The following HTT-AS variants were observed in gnomAD, a reference collection of about 807,000 sequenced individuals.
HTT-AS encodes HTT antisense RNA (head to head).
rs57430954 is a variant in HTT-AS at position 3,049,906 on chromosome 4, TCACACACA to T, written n.1381-216_1381-209del. Among the ~76,000 whole-genome samples the T allele has an allele frequency of 8.1e-3, 1,093 of 134,704 alleles. 9 individuals are homozygous for T. The highest frequency in any genetic ancestry group is 0.023 in the African/African-American group (841 of 36,120). 88.4% of individuals were successfully genotyped at this position (134,704 alleles called of 152,430 possible). A position where few individuals can be genotyped will look rare whatever the true frequency, so the allele number is the denominator to read the frequency against. ...AACTATTTTAGCAATTTGTAAGTTA[TCACACACA>T]CACACACACACACACACACACACAC... On this transcript the variant is annotated intron_variant and non_coding_transcript_variant, in intron 2 of 2. Transcript: ENST00000664062.
At chr4:3,063,033 T>C (rs1418896163) in exon 2 of HTT-AS, among the ~76,000 whole-genome samples, 1 of 151,968 alleles carries the variant, frequency 6.6e-6, no homozygotes, top group Non-Finnish European at 1.5e-5. Flanking sequence ...CTCCCTGGGG[T>C]TGGAGCCTTT....
chr4:3,054,948 C>T (rs531712914), intron 2 of HTT-AS, among the ~76,000 whole-genome samples: 56 of 151,936 alleles, frequency 3.7e-4, no homozygotes, highest in South Asian at 2.1e-3. Flanking sequence ...CTCCTGACCT[C>T]GTGATCTGCC....
chr4:3,066,370 A>G (rs1241132689), intron 1 of HTT-AS, among the ~76,000 whole-genome samples: 1 of 152,130 alleles, frequency 6.6e-6, no homozygotes, highest in Non-Finnish European at 1.5e-5. Flanking sequence ...GGGTTTCACC[A>G]TGTTGGCCAG....
At chr4:3,059,085 C>T (rs765275780) in intron 2 of HTT-AS, among the ~76,000 whole-genome samples, 6 of 152,130 alleles carry the variant, frequency 3.9e-5, no homozygotes, top group Non-Finnish European at 7.4e-5. Flanking sequence ...GCCATCCTTG[C>T]GTCCTTGCAG....
intron 1 of HTT-AS, among the ~76,000 whole-genome samples, chr4:3,065,700 T>C (rs1005204276): frequency 6.6e-6 from 1 of 152,214 alleles, no homozygotes; most frequent in African/African-American, 2.4e-5. Context: ...CAGCCTACAA[T>C]TGGCAAAATC....
chr4:3,051,655 A>T (rs868613372), intron 2 of HTT-AS, among the ~76,000 whole-genome samples: 815 of 45,688 alleles, frequency 0.018, 3 homozygotes, highest in South Asian at 0.044. Context: ...GAATGAATTA[A>T]AAAAAAAAAA....
At chr4:3,066,420 G>A (rs1454022775) in intron 1 of HTT-AS, among the ~76,000 whole-genome samples, 1 of 152,022 alleles carries the variant, frequency 6.6e-6, no homozygotes, top group Non-Finnish European at 1.5e-5. Context: ...TGTCCACCTC[G>A]GCCTCCCAAA....
downstream of HTT-AS, among the ~76,000 whole-genome samples, chr4:3,046,751 G>A (rs530566702): frequency 6.6e-6 from 1 of 152,314 alleles, no homozygotes. Flanking sequence ...GAATCTGTTA[G>A]GATCTATGTG....
intron 1 of HTT-AS, among the ~76,000 whole-genome samples, chr4:3,063,957 C>T (rs1711992833): frequency 6.6e-6 from 1 of 152,062 alleles, no homozygotes; most frequent in Non-Finnish European, 1.5e-5. Flanking sequence ...CTGAGAACTT[C>T]CTGGGTGAGC....
At chr4:3,048,438 G>A (rs951218937), downstream of HTT-AS, among the ~76,000 whole-genome samples, 2 of 152,160 alleles carry the variant, frequency 1.3e-5, no homozygotes, top group African/African-American at 2.4e-5. Context: ...CAGCGCACCA[G>A]GGAGACTATT....
intron 2 of HTT-AS, among the ~76,000 whole-genome samples, chr4:3,051,142 C>T (rs188595343): frequency 8.8e-4 from 133 of 151,356 alleles, no homozygotes; most frequent in African/African-American, 2.8e-3. Flanking sequence ...TCTCGGCTAC[C>T]GCAACCTCTG....
exon 3 of HTT-AS, among the ~76,000 whole-genome samples, chr4:3,049,661 C>T (rs1711664028): frequency 6.6e-6 from 1 of 152,096 alleles, no homozygotes; most frequent in Non-Finnish European, 1.5e-5. Flanking sequence ...CAAGGACAGT[C>T]TTTCTCTGAT....
downstream of HTT-AS, among the ~76,000 whole-genome samples, chr4:3,047,782 C>T (rs188254984): frequency 1.2e-3 from 177 of 152,370 alleles, 1 homozygote; most frequent in African/African-American, 4.1e-3. Context: ...TGTGCTTCAG[C>T]GGTCACGCTC....
intron 2 of HTT-AS, among the ~76,000 whole-genome samples, chr4:3,057,734 T>C (rs917229999): frequency 4.0e-5 from 6 of 151,700 alleles, no homozygotes; most frequent in Non-Finnish European, 5.9e-5. Context: ...CCCGGGTTCA[T>C]GCCATTCTTC....
intron 1 of HTT-AS, among the ~76,000 whole-genome samples, chr4:3,066,132 G>T (rs570744705): frequency 1.3e-5 from 2 of 152,224 alleles, no homozygotes; most frequent in Non-Finnish European, 2.9e-5. Flanking sequence ...TGCTTTGCGG[G>T]TATTTGCTGA....
intron 2 of HTT-AS, among the ~76,000 whole-genome samples, chr4:3,052,965 C>T (rs1711734435): frequency 6.6e-6 from 1 of 151,508 alleles, no homozygotes; most frequent in Non-Finnish European, 1.5e-5. Flanking sequence ...CACTGCACTC[C>T]AGCCTGGTGA....
intron 1 of HTT-AS, among the ~76,000 whole-genome samples, chr4:3,067,632 C>T (rs1712079637): frequency 6.6e-6 from 1 of 152,146 alleles, no homozygotes; most frequent in Non-Finnish European, 1.5e-5. Flanking sequence ...TGGAAGGGAA[C>T]CGAGAGCACC....
chr4:3,063,039 C>A (rs1711973688), exon 2 of HTT-AS, among the ~76,000 whole-genome samples: 1 of 152,140 alleles, frequency 6.6e-6, no homozygotes, highest in African/African-American at 2.4e-5. Context: ...GGGGTTGGAG[C>A]CTTTAGTAGG....
chr4:3,057,031 TTTTC>T (rs533538948), intron 2 of HTT-AS, among the ~76,000 whole-genome samples: 1 of 122,262 alleles, frequency 8.2e-6, no homozygotes, highest in African/African-American at 2.7e-5. Context: ...GTGACTGGCT[TTTTC>T]TTTTTCTTTT....
Sources: gnomAD v4.1 joint callset for allele counts (sites outside exome capture counted in the v4.1 genomes callset) on GRCh38, gnomAD v4.1.1 for gene constraint, MANE v1.5 for transcripts, NCBI Gene and HGNC (gene_info 2026-07-23, HGNC 2026-07-21) for gene names.